The following CCDC85C variants were observed in gnomAD, a reference collection of about 807,000 sequenced individuals.
CCDC85C encodes coiled-coil domain-containing protein 85C.
In CCDC85C, 18 loss-of-function variants were observed where a neutral mutation model predicts 38.3. The ratio of observed to expected loss-of-function variants is 0.47; its 90% CI spans 0.33 to 0.70. The LOEUF is 0.70. CCDC85C is among the 30% of genes least tolerant of loss of function. The probability of loss-of-function intolerance (pLI) is 0.03; values close to 1 mark genes in which losing one functional copy is unlikely to be tolerated. For synonymous variants in CCDC85C, 264 were observed against 293.8 expected, an observed-to-expected ratio of 0.90 and a Z score of 1.04; for missense variants, 566 against 621.2, an observed-to-expected ratio of 0.91 and a Z score of 0.94.
intron 2 of CCDC85C, among the ~76,000 whole-genome samples, chr14:99,534,359 A>G (rs1238105044): frequency 1.3e-5 from 2 of 151,564 alleles, no homozygotes; most frequent in Non-Finnish European, 2.9e-5. Flanking sequence ...TCCATCTCAA[A>G]AAAAAAAAAA....
At position 99,506,838 on chromosome 14, in the gene CCDC85C, A is replaced by G. The variant is rs1896987682; in HGVS notation, c.*8408T>C. The G allele has an allele frequency of 1.6e-5, 8 of 490,878 alleles. No homozygotes were observed. The highest frequency in any genetic ancestry group is 3.0e-5 in the Non-Finnish European group (8 of 268,042). The allele number at this position is 490,878 out of a possible 1,614,324, so 30.4% of individuals were successfully genotyped here. On this transcript the variant is annotated 3_prime_UTR_variant, in exon 6 of 6. Coordinates refer to ENST00000380243, the MANE Select transcript of CCDC85C (RefSeq NM_001144995.2). Reference sequence around the variant, plus strand: ...GGTCAGCAAGGAAACTTAGGTAGACATGGAAAATGGGCTGCCTGTGGGAAG... The same window carrying G: ...GGTCAGCAAGGAAACTTAGGTAGACGTGGAAAATGGGCTGCCTGTGGGAAG...
intron 1 of CCDC85C, among the ~76,000 whole-genome samples, chr14:99,575,189 G>C (rs549101614): frequency 6.6e-6 from 1 of 152,204 alleles, no homozygotes; most frequent in African/African-American, 2.4e-5. Context: ...AGGAGTCTTC[G>C]TGGGGTGAGG....
rs1004066262 is a variant in CCDC85C, at chr14:99,507,420, C to T, written c.*7826G>A. 1.2e-4 allele frequency: 53 copies of T among 438,420 alleles called. No individual in the cohort carries two copies. Among genetic ancestry groups the T allele is most frequent in the African/African-American group, 1.0e-3 (50 of 49,990 alleles). The allele number at this position is 438,420 out of a possible 1,614,324, so 27.2% of individuals were successfully genotyped here. A position where few individuals can be genotyped will look rare whatever the true frequency, so the allele number is the denominator to read the frequency against. On this transcript the variant is annotated 3_prime_UTR_variant, in exon 6 of 6. Transcript: ENST00000380243. ...AGTGAGACCCTGTCTAAAAAATTAGCCAGGTGTGGTAGCACACACCTGTAG... is the reference window on the plus strand; with the variant it reads ...AGTGAGACCCTGTCTAAAAAATTAGTCAGGTGTGGTAGCACACACCTGTAG...
Position 99,535,965 on chromosome 14 carries a change from TG to T in CCDC85C, c.867+49del. The T allele has an allele frequency of 7.2e-7, 1 of 1,384,686 alleles. No homozygotes were observed. 85.8% of individuals were successfully genotyped at this position (1,384,686 alleles called of 1,614,324 possible). ...GGGTGCCCTGGGTGAGCTGGAGGGGTGGGTGCTGGGTCGCGGTCCTCAAGGC... is the reference window on the plus strand; with the variant it reads ...GGGTGCCCTGGGTGAGCTGGAGGGGTGGTGCTGGGTCGCGGTCCTCAAGGC... On this transcript the variant is annotated intron_variant, in intron 2 of 5. Coordinates refer to ENST00000380243, the MANE Select transcript of CCDC85C (RefSeq NM_001144995.2). The surrounding 1 kb of genome is among the most constrained non-coding windows in gnomAD (Gnocchi z 5.5).
chr14:99,541,623 C>T (rs1897715358), intron 1 of CCDC85C, among the ~76,000 whole-genome samples: 5 of 152,116 alleles, frequency 3.3e-5, no homozygotes, highest in Admixed American at 3.3e-4. Context: ...CCCACCTGTC[C>T]AATGGTTCAC....
intron 1 of CCDC85C, among the ~76,000 whole-genome samples, chr14:99,573,799 C>T (rs1898410476): frequency 6.6e-6 from 1 of 152,166 alleles, no homozygotes; most frequent in African/African-American, 2.4e-5. Flanking sequence ...CCCTCACAAC[C>T]CACCCAATCC....
chr14:99,551,277 A>T (rs993686625), intron 1 of CCDC85C, among the ~76,000 whole-genome samples: 34 of 152,196 alleles, frequency 2.2e-4, no homozygotes, highest in Admixed American at 1.0e-3. Flanking sequence ...CAGTATGCGC[A>T]TCCTGCCAGA....
Position 99,502,790 on chromosome 14 carries a change from C to T in CCDC85C, c.*12456G>A. ...GATGCCTCATCACACCCCCCATCAG[C>T]TGCAACAGCCCCCATCTCTTCAGCC... On this transcript the variant is annotated 3_prime_UTR_variant, in exon 6 of 6. Coordinates refer to ENST00000380243, the MANE Select transcript of CCDC85C (RefSeq NM_001144995.2). 1 of 1,613,848 alleles carries T rather than the reference C, an allele frequency of 6.2e-7. No homozygotes were observed. Among genetic ancestry groups the T allele is most frequent in the Non-Finnish European group, 8.5e-7 (1 of 1,179,838 alleles).
rs553781532 is a variant in CCDC85C at position 99,603,208 on chromosome 14, G to A, written c.752C>T (p.Ser251Leu). The A allele has an allele frequency of 2.8e-6, 4 of 1,428,684 alleles. No homozygotes were observed. Among genetic ancestry groups the A allele is most frequent in the Non-Finnish European group, 2.7e-6 (3 of 1,093,606 alleles). The allele number at this position is 1,428,684 out of a possible 1,614,324, so 88.5% of individuals were successfully genotyped here. The change falls in exon 1 of 6, where the codon TCG (serine) becomes TTG (leucine). Residue 251 changes from serine to leucine, a missense_variant. Coordinates refer to ENST00000380243, the MANE Select transcript of CCDC85C (RefSeq NM_001144995.2). The surrounding 1 kb of genome is among the most constrained non-coding windows in gnomAD (Gnocchi z 7.5). ...GATRRSLDDLSAPPHHRSIPN... is the reference protein window; with the variant it reads ...GATRRSLDDLLAPPHHRSIPN... ...GATGCTGCGGTGGTGCGGCGGCGCC[G>A]ACAAGTCGTCCAGGGACCGACGTGT...
In CCDC85C at chr14:99,603,169, T is replaced by A; in HGVS notation, c.791A>T (p.His264Leu). Residue 264 changes from histidine (H) to leucine (L), a missense_variant and splice_region_variant, in exon 1 of 6, where the codon CAC becomes CTC. His to Leu is a moderately conservative substitution (Grantham distance 99). This residue lies in a region of CCDC85C where 286 missense variants were observed against 276.4 expected (regional missense o/e 1.03). Transcript: ENST00000380243. The surrounding 1 kb of genome is among the most constrained non-coding windows in gnomAD (Gnocchi z 7.5). ...PHHRSIPNGL[H>L]DPSSTYIRQL... ...TGCCCGGCCCGTGTAGTCCTTACCGTGCAGGCCGTTGGGGATGCTGCGGTG... is the reference window on the plus strand; with the variant it reads ...TGCCCGGCCCGTGTAGTCCTTACCGAGCAGGCCGTTGGGGATGCTGCGGTG... The A allele has an allele frequency of 7.2e-7, 1 of 1,391,820 alleles. No homozygotes were observed. The highest frequency in any genetic ancestry group is 9.3e-7 in the Non-Finnish European group (1 of 1,075,036). 86.2% of individuals were successfully genotyped at this position (1,391,820 alleles called of 1,614,324 possible).
At chr14:99,537,676 C>G (rs770262179) in intron 1 of CCDC85C, among the ~76,000 whole-genome samples, 40 of 152,302 alleles carry the variant, frequency 2.6e-4, no homozygotes, top group Admixed American at 5.2e-4. Flanking sequence ...CAGGCCCAGC[C>G]TCCCCGCCCT....
In CCDC85C at chr14:99,572,245, C is replaced by T. The variant is rs561517181; in HGVS notation, c.793+30922G>A. On this transcript the variant is annotated intron_variant, in intron 1 of 5. Coordinates refer to ENST00000380243, the MANE Select transcript of CCDC85C (RefSeq NM_001144995.2). This position sits in a 1 kb window ranked among gnomAD's most constrained non-coding sequence, Gnocchi z 4.4. ...GCGTTAGTGAATGGCCAGGCTGTGG[C>T]CCTCCCCGAGAGTCCCTCCCTCCCC... 2.0e-5 allele frequency among the ~76,000 whole-genome samples: 3 copies of T among 152,322 alleles called. No individual in the cohort carries two copies. The highest frequency in any genetic ancestry group is 1.9e-4 in the East Asian group (1 of 5,176).
rs1897072189 is a variant in CCDC85C at position 99,509,734 on chromosome 14, G to C, written c.*5512C>G. 1 of 207,718 alleles carries C rather than the reference G, an allele frequency of 4.8e-6. No individual in the cohort carries two copies. Among genetic ancestry groups the C allele is most frequent in the African/African-American group, 2.3e-5 (1 of 42,858 alleles). The allele number at this position is 207,718 out of a possible 1,614,324, so 12.9% of individuals were successfully genotyped here. A position where few individuals can be genotyped will look rare whatever the true frequency, so the allele number is the denominator to read the frequency against. ...CCATCACATTCATTTGACTAACTCT[G>C]AGGTTTTCTGCAAAATGCCACTGCT... On this transcript the variant is annotated 3_prime_UTR_variant, in exon 6 of 6. Transcript: ENST00000380243.
intron 1 of CCDC85C, among the ~76,000 whole-genome samples, chr14:99,549,846 A>T (rs994352093): frequency 6.6e-6 from 1 of 152,176 alleles, no homozygotes; most frequent in Non-Finnish European, 1.5e-5. Flanking sequence ...AGCCGTGGAG[A>T]AGGACCAGCT....
rs1394252369 is a variant in CCDC85C at position 99,516,327 on chromosome 14, G to A, written c.1072-41C>T. 1.1e-5 allele frequency: 16 copies of A among 1,440,514 alleles called. No homozygotes were observed. The highest frequency in any genetic ancestry group is 1.1e-5 in the Non-Finnish European group (12 of 1,048,210). The allele number at this position is 1,440,514 out of a possible 1,614,324, so 89.2% of individuals were successfully genotyped here. A position where few individuals can be genotyped will look rare whatever the true frequency, so the allele number is the denominator to read the frequency against. ...CTCGGGGTCAGGGGCAGAGGCCACC[G>A]GCAGACCTCGGGCAAGTCACCTGGC... On this transcript the variant is annotated intron_variant, in intron 4 of 5. Transcript: ENST00000380243. This position sits in a 1 kb window ranked among gnomAD's most constrained non-coding sequence, Gnocchi z 5.5.
At chr14:99,586,512 T>C (rs192571612) in intron 1 of CCDC85C, among the ~76,000 whole-genome samples, 1 of 152,190 alleles carries the variant, frequency 6.6e-6, no homozygotes, top group African/African-American at 2.4e-5. Flanking sequence ...TATGCTAGAG[T>C]GGGGGCATGG....
chr14:99,501,587 A>C lies in CCDC85C; in HGVS notation c.*13659T>G, dbSNP rs1896826065. On this transcript the variant is annotated 3_prime_UTR_variant, in exon 6 of 6. Coordinates refer to ENST00000380243, the MANE Select transcript of CCDC85C (RefSeq NM_001144995.2). ...GTCCAGGTCATCTGCTTCCCGGCAG[A>C]GGGTTTCCTTCTGCCCTGCCGTGTC... 1 of 583,514 alleles carries C rather than the reference A, an allele frequency of 1.7e-6. No homozygotes were observed. Among genetic ancestry groups the C allele is most frequent in the East Asian group, 2.9e-5 (1 of 34,906 alleles). The allele number at this position is 583,514 out of a possible 1,614,324, so 36.1% of individuals were successfully genotyped here. A position where few individuals can be genotyped will look rare whatever the true frequency, so the allele number is the denominator to read the frequency against.
chr14:99,553,933 T>C (rs564596943), intron 1 of CCDC85C, among the ~76,000 whole-genome samples: 1 of 152,000 alleles, frequency 6.6e-6, no homozygotes, highest in Admixed American at 6.5e-5. Context: ...GGACAGAGGG[T>C]CCAGGGTCCT....
In CCDC85C at chr14:99,512,472, C is replaced by A. The variant is rs1369406198; in HGVS notation, c.*2774G>T. 2 of 150,848 alleles carry A rather than the reference C, an allele frequency of 1.3e-5. No individual in the cohort carries two copies. The highest frequency in any genetic ancestry group is 4.9e-5 in the African/African-American group (2 of 41,032). 9.3% of individuals were successfully genotyped at this position (150,848 alleles called of 1,614,324 possible). On this transcript the variant is annotated 3_prime_UTR_variant, in exon 6 of 6. Coordinates refer to ENST00000380243, the MANE Select transcript of CCDC85C (RefSeq NM_001144995.2). ...GTATGTATCTTGTTTCCTCAAGTTT[C>A]AAGAAAAAAAAAATGAAAGGTCACT...
Sources: allele counts gnomAD v4.1 joint callset (sites outside exome capture counted in the v4.1 genomes callset), GRCh38; gene constraint gnomAD v4.1.1; regional missense constraint gnomAD v4.1.1; non-coding constraint Gnocchi (gnomAD v3.1); transcripts MANE v1.5; gene names NCBI Gene and HGNC (gene_info 2026-07-23, HGNC 2026-07-21).